Variants in DENND5B observed in about 807,000 individuals in gnomAD.
DENND5B encodes the protein DENN domain containing 5B.
A neutral mutation model predicts 140.6 loss-of-function variants in DENND5B; 34 were observed. The observed-to-expected ratio is 0.24, with a 90% CI of 0.18 to 0.32. DENND5B has a LOEUF of 0.32. Among genes scored for constraint, DENND5B ranks in the 10% least tolerant of loss-of-function variants. The pLI is 1.00. For synonymous variants in DENND5B, 551 were observed against 562.1 expected (o/e 0.98, Z 0.28); for missense variants, 1,142 against 1,560.2 (o/e 0.73, Z 4.52).
chr12:31,574,547 G>A (rs1037247421), intron 1 of DENND5B, among the ~76,000 whole-genome samples: 14 of 151,932 alleles, frequency 9.2e-5, no homozygotes, highest in East Asian at 3.9e-4. Flanking sequence ...CTGAGATTGC[G>A]TCACCGCACT....
chr12:31,415,097 A>G (rs1426325056), intron 12 of DENND5B, among the ~76,000 whole-genome samples: 1 of 152,088 alleles, frequency 6.6e-6, no homozygotes, highest in Non-Finnish European at 1.5e-5. Flanking sequence ...CCTGGGTGAC[A>G]AAGCAAGACC....
Position 31,382,611 on chromosome 12 carries a change from A to G in DENND5B, c.*4992T>C, listed in dbSNP as rs1454987382. ...ATTTGGTGTTTAGAATCAAGATTGG[A>G]TTCACACACAAGTACATTCAGGTAA... On this transcript the variant is annotated 3_prime_UTR_variant, in exon 21 of 21. Transcript: ENST00000389082. 6.6e-6 allele frequency: 1 copy of G among 152,166 alleles called. No homozygotes were observed. The highest frequency in any genetic ancestry group is 1.5e-5 in the Non-Finnish European group (1 of 68,028). 9.4% of individuals were successfully genotyped at this position (152,166 alleles called of 1,614,324 possible). A position where few individuals can be genotyped will look rare whatever the true frequency, so the allele number is the denominator to read the frequency against.
intron 1 of DENND5B, among the ~76,000 whole-genome samples, chr12:31,550,102 T>C (rs958305373): frequency 1.3e-5 from 2 of 151,886 alleles, no homozygotes; most frequent in African/African-American, 2.4e-5. Flanking sequence ...TTAGGGTACA[T>C]GTGCACAATG....
At chr12:31,459,601 T>C (rs553390841) in intron 4 of DENND5B, among the ~76,000 whole-genome samples, 2 of 152,296 alleles carry the variant, frequency 1.3e-5, no homozygotes, top group African/African-American at 4.8e-5. Context: ...CCTATTTTTT[T>C]AAACATTTGA....
At chr12:31,393,188 C>T (rs1394961221) in intron 17 of DENND5B, among the ~76,000 whole-genome samples, 1 of 152,196 alleles carries the variant, frequency 6.6e-6, no homozygotes, top group Non-Finnish European at 1.5e-5. Flanking sequence ...TATCTACCTA[C>T]GAGCCTGTTA....
At chr12:31,393,590 T>C (rs1007933865) in intron 17 of DENND5B, among the ~76,000 whole-genome samples, 25 of 152,230 alleles carry the variant, frequency 1.6e-4, no homozygotes, top group Non-Finnish European at 3.2e-4. Flanking sequence ...GATTTTCTTG[T>C]AGTTCTAATT....
At chr12:31,472,624 G>A (rs1258891391) in intron 3 of DENND5B, among the ~76,000 whole-genome samples, 2 of 151,974 alleles carry the variant, frequency 1.3e-5, no homozygotes, top group Non-Finnish European at 2.9e-5. Context: ...CACTACCAAA[G>A]GTTGCATGGA....
rs554451029 is a variant in DENND5B at position 31,554,785 on chromosome 12, C to G, written c.127+35921G>C. ...TTTATTCTTTTTGCTCTAAACTTCTCTTCTCGCTTCACTTCATTCATTTCG... is the reference window on the plus strand; with the variant it reads ...TTTATTCTTTTTGCTCTAAACTTCTGTTCTCGCTTCACTTCATTCATTTCG... On this transcript the variant is annotated intron_variant, in intron 1 of 20. Transcript: ENST00000389082. Among the ~76,000 whole-genome samples the G allele has an allele frequency of 7.2e-5, 11 of 152,314 alleles. No individual in the cohort carries two copies. The South Asian group carries it at 2.3e-3, about 32-fold the overall frequency.
intron 1 of DENND5B, among the ~76,000 whole-genome samples, chr12:31,537,023 A>G (rs1948520789): frequency 6.6e-6 from 1 of 152,224 alleles, no homozygotes; most frequent in Non-Finnish European, 1.5e-5. Flanking sequence ...TTCCCAGACA[A>G]ACAAACACTG....
At chr12:31,569,625 G>A (rs1287311725) in intron 1 of DENND5B, among the ~76,000 whole-genome samples, 1 of 152,030 alleles carries the variant, frequency 6.6e-6, no homozygotes, top group Non-Finnish European at 1.5e-5. Flanking sequence ...CCTGGCCAAT[G>A]TGGTGAACCC....
At chr12:31,392,765 A>G (rs1343399489) in intron 17 of DENND5B, 69 bp from the exon 18 acceptor site, 24 of 1,375,270 alleles carry the variant, frequency 1.7e-5, no homozygotes, top group African/African-American at 2.9e-5. Flanking sequence ...TGGGACATCA[A>G]CTGTGTCCAC....
chr12:31,467,832 A>C (rs1422771213), intron 3 of DENND5B, among the ~76,000 whole-genome samples: 1 of 152,236 alleles, frequency 6.6e-6, no homozygotes, highest in African/African-American at 2.4e-5. Flanking sequence ...TATCATTAAG[A>C]AAAAGAGCAT....
intron 16 of DENND5B, 90 bp from the exon 17 acceptor site, chr12:31,398,452 G>GGTGGTGCACACCTGTAGT: frequency 8.0e-7 from 1 of 1,251,820 alleles, no homozygotes; most frequent in Non-Finnish European, 1.1e-6. Flanking sequence ...CTACAGGTGT[G>GGTGGTGCACACCTGTAGT]CACCACCACA....
chr12:31,533,732 A>G (rs539467451), intron 1 of DENND5B, among the ~76,000 whole-genome samples: 14 of 152,338 alleles, frequency 9.2e-5, no homozygotes, highest in African/African-American at 3.1e-4. Flanking sequence ...ATTAGAATAA[A>G]GATCACATGT....
Position 31,437,376 on chromosome 12 carries a change from C to T in DENND5B, c.2013-4128G>A, listed in dbSNP as rs960573745. ...GTCTCGATCTCCTGACCTCGTGATC[C>T]TCTGGCCTCGGCCTCCCAAAGTGCT... On this transcript the variant is annotated intron_variant, in intron 7 of 20. Transcript: ENST00000389082. 1.1e-4 allele frequency among the ~76,000 whole-genome samples: 17 copies of T among 152,100 alleles called. 1 individual carries two copies. Among genetic ancestry groups the T allele is most frequent in the African/African-American group, 3.9e-4 (16 of 41,408 alleles).
At chr12:31,539,756 G>A (rs116441351) in intron 1 of DENND5B, among the ~76,000 whole-genome samples, 1,748 of 151,732 alleles carry the variant, frequency 0.012, 23 homozygotes, top group African/African-American at 0.04. Flanking sequence ...ATATATGACA[G>A]ACTCTCAGCT....
At chr12:31,556,254 G>C (rs779007013) in intron 1 of DENND5B, among the ~76,000 whole-genome samples, 2 of 152,110 alleles carry the variant, frequency 1.3e-5, no homozygotes, top group Non-Finnish European at 2.9e-5. Context: ...ACCCAGACTG[G>C]AGTGGAGCAG....
intron 3 of DENND5B, among the ~76,000 whole-genome samples, chr12:31,463,396 G>A (rs986496480): frequency 1.3e-5 from 2 of 152,176 alleles, no homozygotes; most frequent in African/African-American, 4.8e-5. Context: ...CTGCTCTGTG[G>A]CCATCATTTC....
intron 1 of DENND5B, among the ~76,000 whole-genome samples, chr12:31,582,013 G>A (rs1056015577): frequency 1.3e-5 from 2 of 152,216 alleles, no homozygotes; most frequent in East Asian, 1.9e-4. Flanking sequence ...GAACAATAGC[G>A]AGAACAAAAA....
Sources: gnomAD v4.1 joint callset for allele counts (sites outside exome capture counted in the v4.1 genomes callset) on GRCh38, gnomAD v4.1.1 for gene constraint, MANE v1.5 for transcripts, NCBI Gene and HGNC (gene_info 2026-07-23, HGNC 2026-07-21) for gene names.